The following EIF3H variants were observed in gnomAD, a reference collection of about 807,000 sequenced individuals.
EIF3H encodes eIF-3-gamma.
In EIF3H, 26 loss-of-function variants were observed where a neutral mutation model predicts 44.2. That is an observed-to-expected ratio of 0.59 (90% CI 0.43 to 0.82). The LOEUF is 0.82. Ranked by LOEUF, EIF3H falls within the 40% of genes least tolerant of loss-of-function variation. The pLI is 0.00. For missense variants in EIF3H, 359 were observed against 432.8 expected, an observed-to-expected ratio of 0.83 and a Z score of 1.51; for synonymous variants, 166 against 151.9, an observed-to-expected ratio of 1.09 and a Z score of -0.68.
intron 2 of EIF3H, among the ~76,000 whole-genome samples, chr8:116,682,725 T>C (rs1466356495): frequency 1.3e-5 from 2 of 152,240 alleles, no homozygotes; most frequent in African/African-American, 2.4e-5. Context: ...CTACTTAAGC[T>C]GAGAATGTTT....
At chr8:116,654,462 T>A (rs549300498) in intron 5 of EIF3H, among the ~76,000 whole-genome samples, 3 of 152,342 alleles carry the variant, frequency 2.0e-5, no homozygotes, top group African/African-American at 7.2e-5. Context: ...AAAGCTTTCA[T>A]GCAGTAAATT....
intron 2 of EIF3H, among the ~76,000 whole-genome samples, chr8:116,720,721 T>TA (rs1202272211): frequency 6.6e-6 from 1 of 152,164 alleles, no homozygotes; most frequent in Non-Finnish European, 1.5e-5. Flanking sequence ...AAATCCAGGC[T>TA]GAGGTGATCT....
At chr8:116,653,815 T>A (rs768280730) in intron 5 of EIF3H, among the ~76,000 whole-genome samples, 1 of 152,150 alleles carries the variant, frequency 6.6e-6, no homozygotes, top group African/African-American at 2.4e-5. Context: ...ATAAAAAAAT[T>A]TGAATTTTTC....
intron 2 of EIF3H, among the ~76,000 whole-genome samples, chr8:116,674,219 G>A (rs976344539): frequency 6.6e-6 from 1 of 150,442 alleles, no homozygotes; most frequent in Non-Finnish European, 1.5e-5. Flanking sequence ...AGTAGAAGAA[G>A]GAAAGAGAGC....
chr8:116,653,654 C>T (rs564281604), intron 5 of EIF3H, among the ~76,000 whole-genome samples: 2 of 151,766 alleles, frequency 1.3e-5, no homozygotes, highest in African/African-American at 4.8e-5. Context: ...GTATGATGCC[C>T]ACCCTTAGTT....
chr8:116,707,098 C>T (rs372218325), intron 2 of EIF3H, among the ~76,000 whole-genome samples: 3 of 152,142 alleles, frequency 2.0e-5, no homozygotes, highest in African/African-American at 4.8e-5. Context: ...GAATTATCCA[C>T]GGAATCCCAT....
intron 1 of EIF3H, among the ~76,000 whole-genome samples, chr8:116,746,585 T>G (rs1815239134): frequency 6.6e-6 from 1 of 152,224 alleles, no homozygotes; most frequent in Non-Finnish European, 1.5e-5. Flanking sequence ...TATATTCACT[T>G]TATGTCTTTG....
chr8:116,729,397 A>G (rs1642573187), intron 1 of EIF3H, among the ~76,000 whole-genome samples: 1 of 152,246 alleles, frequency 6.6e-6, no homozygotes, highest in African/African-American at 2.4e-5. Flanking sequence ...TTCAAACTAT[A>G]TTGAAAACTG....
At chr8:116,682,440 T>C (rs977332669) in intron 2 of EIF3H, among the ~76,000 whole-genome samples, 3 of 152,160 alleles carry the variant, frequency 2.0e-5, no homozygotes, top group Non-Finnish European at 2.9e-5. Flanking sequence ...GGCAATGTTG[T>C]AGACAATGTT....
At chr8:116,664,680 A>G (rs1813638680) in intron 2 of EIF3H, among the ~76,000 whole-genome samples, 1 of 152,228 alleles carries the variant, frequency 6.6e-6, no homozygotes, top group Non-Finnish European at 1.5e-5. Flanking sequence ...TCGAAAACTC[A>G]AGATATGTTC....
chr8:116,750,403 CTTTTTT>C (rs771136977), intron 1 of EIF3H, among the ~76,000 whole-genome samples: 20 of 129,696 alleles, frequency 1.5e-4, no homozygotes, highest in African/African-American at 4.9e-4. Flanking sequence ...TTTAGCATGA[CTTTTTT>C]TTTTTTTTTT....
At chr8:116,652,484 A>C (rs1813410255) in intron 5 of EIF3H, among the ~76,000 whole-genome samples, 1 of 152,220 alleles carries the variant, frequency 6.6e-6, no homozygotes, top group Non-Finnish European at 1.5e-5. Flanking sequence ...TTTTCTTTTG[A>C]GATGGGGGGA....
intron 3 of EIF3H, 54 bp downstream of exon 3, chr8:116,658,759 A>T (rs1813537301): frequency 6.4e-7 from 1 of 1,570,610 alleles, no homozygotes. Context: ...GACAGAAAGC[A>T]AAAATAGTAG....
At chr8:116,654,768 G>A (rs1813459842) in intron 5 of EIF3H, among the ~76,000 whole-genome samples, 1 of 152,096 alleles carries the variant, frequency 6.6e-6, no homozygotes, top group Non-Finnish European at 1.5e-5. Context: ...AGTGGCCTTT[G>A]TGATCAATTA....
chr8:116,728,242 T>A (rs1478540728), intron 1 of EIF3H, among the ~76,000 whole-genome samples: 1 of 151,730 alleles, frequency 6.6e-6, no homozygotes. Context: ...TCACATGTAT[T>A]ACCCTATCAT....
At chr8:116,720,653 G>A (rs958532554) in intron 2 of EIF3H, among the ~76,000 whole-genome samples, 9 of 152,146 alleles carry the variant, frequency 5.9e-5, no homozygotes, top group Non-Finnish European at 1.5e-5. Context: ...AAAAACTGTA[G>A]GAAAGTTTGG....
chr8:116,651,158 A>G (rs1392213364), intron 5 of EIF3H, among the ~76,000 whole-genome samples: 2 of 152,218 alleles, frequency 1.3e-5, no homozygotes, highest in East Asian at 1.9e-4. Context: ...TTTTTTCTCT[A>G]TATTAAAAAC....
intron 2 of EIF3H, among the ~76,000 whole-genome samples, chr8:116,704,507 A>G (rs1814434886): frequency 6.6e-6 from 1 of 152,174 alleles, no homozygotes; most frequent in Non-Finnish European, 1.5e-5. Flanking sequence ...AGAGGGGAAA[A>G]ATTTCTTGTT....
intron 1 of EIF3H, among the ~76,000 whole-genome samples, chr8:116,741,218 C>T (rs980904359): frequency 2.6e-5 from 4 of 152,114 alleles, no homozygotes; most frequent in South Asian, 2.1e-4. Context: ...ATGGCACAGA[C>T]ACTTGTCTCC....
Sources: allele counts gnomAD v4.1 joint callset (sites outside exome capture counted in the v4.1 genomes callset), GRCh38; gene constraint gnomAD v4.1.1; transcripts MANE v1.5; gene names NCBI Gene and HGNC (gene_info 2026-07-23, HGNC 2026-07-21).